Variants in SHISA9 observed in about 807,000 individuals in gnomAD.
SHISA9 encodes shisa family member 9.
In SHISA9, 13 loss-of-function variants were observed where a neutral mutation model predicts 38.0. That is an observed-to-expected ratio of 0.34 (90% CI 0.22 to 0.54). SHISA9 has a LOEUF of 0.54. Ranked by LOEUF, SHISA9 falls within the 20% of genes least tolerant of loss-of-function variation. SHISA9 has a pLI of 0.91. For missense variants in SHISA9, 538 were observed against 575.8 expected (o/e 0.93, Z 0.67); for synonymous variants, 275 against 242.0 (o/e 1.14, Z -1.27).
chr16:13,545,819 G>A, the SHISA9 span, among the ~76,000 whole-genome samples: 30 of 152,190 alleles, frequency 2.0e-4, no homozygotes, highest in East Asian at 5.6e-3. Context: ...ACTATCACAC[G>A]GTGTAAAGTC....
At chr16:13,489,673 C>T in the SHISA9 span, among the ~76,000 whole-genome samples, 1 of 152,208 alleles carries the variant, frequency 6.6e-6, no homozygotes, top group Non-Finnish European at 1.5e-5. Context: ...ACATCCCCAG[C>T]CATGTGGAAC....
In SHISA9 at chr16:13,146,403, T is replaced by C. The variant is rs1410801539; in HGVS notation, c.692-56991T>C. 4.6e-5 allele frequency among the ~76,000 whole-genome samples: 7 copies of C among 152,184 alleles called. No homozygotes were observed. In the East Asian group the frequency reaches 1.3e-3, roughly 29 times the overall value. ...TTTAATTTTTGTGAGTACATGTAGGTGTATTTATTTATGGGGTACATGAGT... is the reference window on the plus strand; with the variant it reads ...TTTAATTTTTGTGAGTACATGTAGGCGTATTTATTTATGGGGTACATGAGT... On this transcript the variant is annotated intron_variant, in intron 2 of 4. Coordinates refer to ENST00000558583, the MANE Select transcript of SHISA9 (RefSeq NM_001145204.3).
At chr16:13,250,827 A>G in the SHISA9 span, among the ~76,000 whole-genome samples, 1,459 of 152,232 alleles carry the variant, frequency 9.6e-3, 28 homozygotes, top group African/African-American at 0.034. Context: ...ATGGTGAGGC[A>G]AACCCTAATG....
chr16:12,930,448 G>A (rs2071448523), intron 2 of SHISA9, among the ~76,000 whole-genome samples: 1 of 152,204 alleles, frequency 6.6e-6, no homozygotes, highest in African/African-American at 2.4e-5. Flanking sequence ...CACAAAGGCA[G>A]TGTTTTCAAA....
intron 2 of SHISA9, among the ~76,000 whole-genome samples, chr16:13,019,878 CCCTCCCTTCTTTCTTTCTTTCTTTCTTT>C (rs1219271080): frequency 1.9e-3 from 61 of 32,016 alleles, no homozygotes; most frequent in Admixed American, 2.9e-3. Context: ...CTCCCTCCCT[CCCTCCCTTCTTTCTTTCTTTCTTTCTTT>C]CTTTCTTTCT....
At chr16:13,205,920 C>T (rs1309581419) in intron 3 of SHISA9, among the ~76,000 whole-genome samples, 1 of 148,546 alleles carries the variant, frequency 6.7e-6, no homozygotes, top group African/African-American at 2.5e-5. Context: ...CACCACTATG[C>T]CTGGCTAATT....
intron 2 of SHISA9, among the ~76,000 whole-genome samples, chr16:13,044,040 C>A (rs2073160977): frequency 6.6e-6 from 1 of 152,154 alleles, no homozygotes; most frequent in Admixed American, 6.5e-5. Flanking sequence ...TTTGTGGTCC[C>A]CCAGTTAGAA....
intron 2 of SHISA9, among the ~76,000 whole-genome samples, chr16:13,120,313 C>A (rs2074072902): frequency 6.6e-6 from 1 of 152,106 alleles, no homozygotes; most frequent in Non-Finnish European, 1.5e-5. Flanking sequence ...AGCCCTTTGG[C>A]TTATCTGCAA....
chr16:13,446,245 G>A, the SHISA9 span, among the ~76,000 whole-genome samples: 8 of 151,914 alleles, frequency 5.3e-5, no homozygotes, highest in South Asian at 2.1e-4. Context: ...GTGCCTGGCC[G>A]TGCCTAGCAC....
At chr16:13,363,609 C>T in the SHISA9 span, among the ~76,000 whole-genome samples, 6 of 152,076 alleles carry the variant, frequency 3.9e-5, no homozygotes, top group African/African-American at 1.2e-4. Flanking sequence ...ATTTGGAGAA[C>T]TGTAAATGGT....
intron 2 of SHISA9, among the ~76,000 whole-genome samples, chr16:12,955,393 G>A (rs1398962156): frequency 5.9e-5 from 9 of 152,098 alleles, no homozygotes; most frequent in African/African-American, 2.2e-4. Flanking sequence ...GGGCAGATGT[G>A]CCTCTGAGTG....
intron 2 of SHISA9, among the ~76,000 whole-genome samples, chr16:13,132,493 G>A (rs1000706539): frequency 1.3e-5 from 2 of 152,120 alleles, no homozygotes; most frequent in African/African-American, 4.8e-5. Context: ...TGTGGGGAGT[G>A]TCTTGTACAT....
chr16:13,276,063 A>T, the SHISA9 span, among the ~76,000 whole-genome samples: 1 of 151,932 alleles, frequency 6.6e-6, no homozygotes, highest in African/African-American at 2.4e-5. Flanking sequence ...GTAGTCTTTT[A>T]TCCCTCGCCC....
At chr16:13,331,913 T>C in the SHISA9 span, 1 of 152,222 alleles carries the variant, frequency 6.6e-6, no homozygotes, top group Non-Finnish European at 1.5e-5. Context: ...CGGCAGACTT[T>C]ATGTTCCGTT....
At chr16:13,362,326 T>C in the SHISA9 span, among the ~76,000 whole-genome samples, 1 of 151,110 alleles carries the variant, frequency 6.6e-6, no homozygotes, top group Admixed American at 6.6e-5. Context: ...TCCCAGCCAC[T>C]TGGGAGGTTG....
At chr16:12,914,444 G>A (rs897987864) in intron 1 of SHISA9, among the ~76,000 whole-genome samples, 3 of 152,118 alleles carry the variant, frequency 2.0e-5, no homozygotes, top group Non-Finnish European at 4.4e-5. Flanking sequence ...GGGCACTGCT[G>A]TATCTTCAGG....
chr16:13,452,306 T>C, the SHISA9 span, among the ~76,000 whole-genome samples: 1 of 152,222 alleles, frequency 6.6e-6, no homozygotes, highest in Non-Finnish European at 1.5e-5. Context: ...TCCAGCTTAA[T>C]TATAGATGCT....
intron 2 of SHISA9, among the ~76,000 whole-genome samples, chr16:13,164,928 T>C (rs903043996): frequency 6.6e-6 from 1 of 152,186 alleles, no homozygotes; most frequent in Non-Finnish European, 1.5e-5. Flanking sequence ...TTCTAGGTTG[T>C]ATTATTTCTG....
chr16:13,341,536 A>G, the SHISA9 span, among the ~76,000 whole-genome samples: 1 of 152,216 alleles, frequency 6.6e-6, no homozygotes, highest in Non-Finnish European at 1.5e-5. Context: ...TCTGAGAAAC[A>G]TAAAAGATGT....
Sources: gnomAD v4.1 joint callset for allele counts (sites outside exome capture counted in the v4.1 genomes callset) on GRCh38, gnomAD v4.1.1 for gene constraint, MANE v1.5 for transcripts, NCBI Gene and HGNC (gene_info 2026-07-23, HGNC 2026-07-21) for gene names.